Variants in KIF15 observed in about 807,000 individuals in gnomAD.
The protein encoded by KIF15 is kinesin family member 15.
A neutral mutation model predicts 190.6 loss-of-function variants in KIF15; 140 were observed. The observed-to-expected ratio is 0.73, with a 90% CI of 0.64 to 0.84. The LOEUF (loss-of-function observed/expected upper bound fraction) is 0.84, where lower values mean the gene tolerates loss of function less well. KIF15 is among the 40% of genes least tolerant of loss of function. The pLI, the probability that KIF15 is intolerant of heterozygous loss-of-function variation, is 0.00. For synonymous variants in KIF15, 528 were observed against 551.3 expected, an observed-to-expected ratio of 0.96 and a Z score of 0.59; for missense variants, 1,372 against 1,584.4, an observed-to-expected ratio of 0.87 and a Z score of 2.28.
At chr3:44,829,923 TCTC>T (rs748688996) in intron 24 of KIF15, 45 bp from the exon 25 acceptor site, 16 of 1,075,316 alleles carry the variant, frequency 1.5e-5, no homozygotes, top group East Asian at 2.9e-5. Context: ...AAAATTTTCT[TCTC>T]CTTAATGTCA....
chr3:44,802,770 A>G, intron 13 of KIF15, 44 bp from the exon 14 acceptor site: 1 of 1,466,854 alleles, frequency 6.8e-7, no homozygotes, highest in Non-Finnish European at 9.0e-7. Flanking sequence ...TCACTAAGGA[A>G]ATGTTTGTAA....
At chr3:44,794,472 A>G in intron 8 of KIF15, 46 bp downstream of exon 8, 1 of 1,406,334 alleles carries the variant, frequency 7.1e-7, no homozygotes. Context: ...AGTTCTTACT[A>G]GCAGTCAATA....
chr3:44,779,556 T>C (rs1706067227), intron 4 of KIF15, among the ~76,000 whole-genome samples: 1 of 151,560 alleles, frequency 6.6e-6, no homozygotes. Context: ...TATTTGTGGC[T>C]GGGCACGGTG....
intron 32 of KIF15, 72 bp downstream of exon 32, chr3:44,848,630 C>A (rs1698953452): frequency 3.0e-6 from 2 of 676,624 alleles, no homozygotes; most frequent in South Asian, 4.3e-5. Context: ...AATGATATAC[C>A]ACAAGGTAGG....
intron 20 of KIF15, among the ~76,000 whole-genome samples, chr3:44,820,545 G>A (rs1708224317): frequency 1.3e-5 from 2 of 151,942 alleles, no homozygotes; most frequent in Non-Finnish European, 1.5e-5. Flanking sequence ...AGGGAGTGGT[G>A]ATGACTCTTA....
At chr3:44,770,367 G>A (rs978245522) in intron 1 of KIF15, among the ~76,000 whole-genome samples, 1 of 152,144 alleles carries the variant, frequency 6.6e-6, no homozygotes, top group Non-Finnish European at 1.5e-5. Flanking sequence ...TCTCAGATAG[G>A]ACTTTCTAAA....
At chr3:44,844,638 A>G (rs1698762164) in intron 30 of KIF15, among the ~76,000 whole-genome samples, 1 of 152,182 alleles carries the variant, frequency 6.6e-6, no homozygotes, top group South Asian at 2.1e-4. Context: ...CTTTCTTCCC[A>G]CTACCAACAT....
intron 32 of KIF15, 123 bp downstream of exon 32, chr3:44,848,681 T>A: frequency 2.3e-6 from 1 of 435,338 alleles, no homozygotes; most frequent in Non-Finnish European, 4.1e-6. Context: ...ATTTAATAGA[T>A]GTTTACAGAT....
At chr3:44,791,999 G>A (rs1214778617) in intron 7 of KIF15, among the ~76,000 whole-genome samples, 9 of 152,160 alleles carry the variant, frequency 5.9e-5, no homozygotes, top group Admixed American at 6.5e-5. Context: ...GATTACAGGC[G>A]TGAGCCATAG....
Position 44,791,475 on chromosome 3 carries a change from T to A in KIF15, c.640-2742T>A, listed in dbSNP as rs114062518. On this transcript the variant is annotated intron_variant, in intron 7 of 34. Transcript: ENST00000326047. ...TGCATTTTCATTTACATAGAACCAGTTTGTCAATTTCTACAAAATAGGCTG... is the reference window on the plus strand; with the variant it reads ...TGCATTTTCATTTACATAGAACCAGATTGTCAATTTCTACAAAATAGGCTG... 9.0e-3 allele frequency among the ~76,000 whole-genome samples: 1,371 copies of A among 152,298 alleles called. 20 individuals carry two copies. The highest frequency in any genetic ancestry group is 0.03 in the African/African-American group (1,247 of 41,566).
intron 1 of KIF15, among the ~76,000 whole-genome samples, chr3:44,770,537 G>C (rs904867243): frequency 6.6e-6 from 1 of 152,034 alleles, no homozygotes; most frequent in African/African-American, 2.4e-5. Context: ...GTGTAGGCAA[G>C]GTATGAGGCC....
chr3:44,857,544 G>C (rs1362620363), downstream of KIF15, among the ~76,000 whole-genome samples: 1 of 152,222 alleles, frequency 6.6e-6, no homozygotes, highest in Non-Finnish European at 1.5e-5. Flanking sequence ...GAGTCACAGA[G>C]AGCTAGTGCA....
In KIF15 at chr3:44,831,030, C is replaced by T. The variant is rs112364748; in HGVS notation, c.3171+12C>T. ...CTGAGGACATAGAGGTAGGTATTAA[C>T]GCATCACAGCTTCTTTGTTTGCCTT... On this transcript the variant is annotated intron_variant, in intron 26 of 34. Coordinates refer to ENST00000326047, the MANE Select transcript of KIF15 (RefSeq NM_020242.3). 117 of 1,609,082 alleles carry T rather than the reference C, an allele frequency of 7.3e-5. 1 individual carries two copies. The Middle Eastern group carries it at 1.8e-3, about 25-fold the overall frequency.
chr3:44,827,869 A>C (rs1334867071), intron 23 of KIF15, among the ~76,000 whole-genome samples: 1 of 152,030 alleles, frequency 6.6e-6, no homozygotes, highest in African/African-American at 2.4e-5. Context: ...TTTTTTATAG[A>C]GATGGGGTTT....
intron 6 of KIF15, 126 bp downstream of exon 6, chr3:44,785,068 G>A: frequency 2.0e-6 from 1 of 507,278 alleles, no homozygotes; most frequent in Non-Finnish European, 3.5e-6. Flanking sequence ...AGACTAGCGT[G>A]GCATAAAAAA....
chr3:44,863,279 A>G (rs2125739388), intron 6 of KIF15: 1 of 133,840 alleles, frequency 7.5e-6, no homozygotes, highest in Middle Eastern at 4.6e-3. Context: ...ATTACAAGTA[A>G]TAAGTATATT....
intron 1 of KIF15, among the ~76,000 whole-genome samples, chr3:44,766,304 T>C (rs966231821): frequency 6.6e-6 from 1 of 152,152 alleles, no homozygotes; most frequent in Non-Finnish European, 1.5e-5. Flanking sequence ...AGTGATACCC[T>C]TTGTAGTTGC....
intron 7 of KIF15, among the ~76,000 whole-genome samples, chr3:44,789,346 A>G (rs569986365): frequency 3.9e-5 from 6 of 152,060 alleles, no homozygotes; most frequent in African/African-American, 1.4e-4. Context: ...TTAAATTCCA[A>G]AGCGTGTGAG....
chr3:44,788,461 CT>C (rs1338433952), intron 7 of KIF15, among the ~76,000 whole-genome samples: 12 of 145,948 alleles, frequency 8.2e-5, no homozygotes, highest in Admixed American at 6.8e-5. Context: ...TTTTCTTTTT[CT>C]TTTTTTTTTG....
Sources: gnomAD v4.1 joint callset for allele counts (sites outside exome capture counted in the v4.1 genomes callset) on GRCh38, gnomAD v4.1.1 for gene constraint, MANE v1.5 for transcripts, NCBI Gene and HGNC (gene_info 2026-07-23, HGNC 2026-07-21) for gene names.